The following ABCA9 variants were observed in gnomAD, a reference collection of about 807,000 sequenced individuals.
The protein encoded by ABCA9 is ATP-binding cassette sub-family A member 9.
ABCA9 carries 183 observed loss-of-function variants against 205.3 expected under a neutral mutation model. That is an observed-to-expected ratio of 0.89 (90% CI 0.79 to 1.01). The LOEUF (loss-of-function observed/expected upper bound fraction) is 1.01. ABCA9 is among the 50% of genes least tolerant of loss of function. The probability of loss-of-function intolerance (pLI) is 0.00; values close to 1 mark genes in which losing one functional copy is unlikely to be tolerated. For synonymous variants in ABCA9, 651 were observed against 683.3 expected (o/e 0.95, Z 0.74); for missense variants, 1,805 against 1,912.4 (o/e 0.94, Z 1.05).
intron 3 of ABCA9, among the ~76,000 whole-genome samples, chr17:69,048,995 A>G (rs2144496384): frequency 6.6e-6 from 1 of 152,320 alleles, no homozygotes; most frequent in East Asian, 1.9e-4. Context: ...TGCTGTCACT[A>G]CAGTCCAATG....
At position 69,027,041 on chromosome 17, in the gene ABCA9, T is replaced by C; in HGVS notation, c.1985A>G (p.Glu662Gly). ...SRHRIWNLLK[E>G]GKSDRVILFS... is the part of the protein sequence containing the mutation. ...GAGAATTACTCTGTCTGATTTCCCC[T>C]CTTTCAGGAGATTCCATATTCGGTG... The change falls in exon 15 of 39, where the codon GAG (glutamate) becomes GGG (glycine). Residue 662 changes from glutamate (E) to glycine (G), a missense_variant. Glu to Gly is a moderately conservative substitution (Grantham distance 98, BLOSUM62 -2). Coordinates refer to ENST00000340001, the MANE Select transcript of ABCA9 (RefSeq NM_080283.4). 1 of 1,614,176 alleles carries C rather than the reference T, an allele frequency of 6.2e-7. No individual in the cohort carries two copies. The highest frequency in any genetic ancestry group is 1.1e-5 in the South Asian group (1 of 91,088).
intron 18 of ABCA9, 186 bp from the exon 19 acceptor site, chr17:69,020,772 T>C (rs2070783604): frequency 5.8e-6 from 3 of 519,730 alleles, no homozygotes; most frequent in South Asian, 3.2e-5. Flanking sequence ...AGTATTGATA[T>C]AATAAAAGAA....
intron 4 of ABCA9, 52 bp downstream of exon 4, chr17:69,045,120 T>G (rs2071667321): frequency 2.2e-5 from 33 of 1,511,008 alleles, no homozygotes; most frequent in Non-Finnish European, 2.9e-5. Flanking sequence ...ATGCCCCCTT[T>G]GTGGCTACTG....
chr17:68,996,371 A>T (rs2069625708), intron 25 of ABCA9, among the ~76,000 whole-genome samples: 1 of 152,200 alleles, frequency 6.6e-6, no homozygotes, highest in Admixed American at 6.5e-5. Flanking sequence ...GGCTTAGGCA[A>T]ACCAGCTATT....
Position 69,026,961 on chromosome 17 carries a change from GA to G in ABCA9, c.2050+14del, listed in dbSNP as rs1344807334. The G allele has an allele frequency of 6.2e-7, 1 of 1,613,344 alleles. No homozygotes were observed. Among genetic ancestry groups the G allele is most frequent in the African/African-American group, 1.3e-5 (1 of 75,010 alleles). On this transcript the variant is annotated intron_variant, in intron 15 of 38. Transcript: ENST00000340001. ...TAACCTCTCATGAAGATACATAAGA[GA>G]AACAAAAAATTACCCGCCAGAATGT...
intron 9 of ABCA9, 89 bp from the exon 10 acceptor site, chr17:69,032,365 C>T (rs2071181445): frequency 8.3e-7 from 1 of 1,205,978 alleles, no homozygotes; most frequent in East Asian, 2.4e-5. Flanking sequence ...TGACATTAAA[C>T]CTGAACCCAC....
intron 1 of ABCA9, among the ~76,000 whole-genome samples, chr17:69,060,335 C>G (rs982496237): frequency 6.6e-6 from 1 of 152,080 alleles, no homozygotes. Context: ...ACAAATTTTT[C>G]TAATTTGTTG....
intron 37 of ABCA9, among the ~76,000 whole-genome samples, chr17:68,976,521 C>T (rs2068897305): frequency 6.6e-6 from 1 of 152,218 alleles, no homozygotes; most frequent in Non-Finnish European, 1.5e-5. Context: ...TTCTTGTCTA[C>T]TCCAAAGGCT....
intron 6 of ABCA9, among the ~76,000 whole-genome samples, chr17:69,041,509 G>T (rs1281017959): frequency 6.6e-6 from 1 of 152,032 alleles, no homozygotes; most frequent in Admixed American, 6.6e-5. Flanking sequence ...TTCAAGACCA[G>T]CCTGGCCAAC....
intron 9 of ABCA9, 22 bp downstream of exon 9, chr17:69,033,704 T>C: frequency 1.3e-6 from 2 of 1,562,750 alleles, no homozygotes; most frequent in Non-Finnish European, 1.7e-6. Flanking sequence ...TTGTGTTAAA[T>C]TACAGCCATG....
chr17:69,008,064 G>T lies in ABCA9; in HGVS notation c.3319C>A (p.Gln1107Lys). Residue 1107 changes from glutamine (Q) to lysine (K), a missense_variant and splice_region_variant, in exon 24 of 39, where the codon CAA becomes AAA. Physicochemically the swap from Gln to Lys is moderately conservative, Grantham distance 53. Transcript: ENST00000340001. ...ATTTCAAAATTGCTGCCACTTACTT[G>T]AATTAACAGGTTTTGAATTATAAAT... is the stretch of plus-strand genomic sequence containing the variant. ...IIFIIQNLLI[Q>K]ILCSIGYVSS... 6.2e-7 allele frequency: 1 copy of T among 1,601,600 alleles called. No homozygotes were observed. The highest frequency in any genetic ancestry group is 1.1e-5 in the South Asian group (1 of 89,434).
the ABCA9 span, among the ~76,000 whole-genome samples, chr17:69,074,147 C>G: frequency 1.1e-4 from 17 of 152,074 alleles, no homozygotes; most frequent in African/African-American, 3.9e-4. Flanking sequence ...CCATCTTGCT[C>G]CATTCTCTCC....
intron 26 of ABCA9, among the ~76,000 whole-genome samples, chr17:68,995,461 T>G (rs1482142325): frequency 6.6e-6 from 1 of 152,202 alleles, no homozygotes; most frequent in Non-Finnish European, 1.5e-5. Flanking sequence ...CGCATGGCTT[T>G]TCATACCATT....
chr17:69,052,347 C>A (rs1263324442), intron 1 of ABCA9, among the ~76,000 whole-genome samples: 2 of 152,012 alleles, frequency 1.3e-5, no homozygotes, highest in Non-Finnish European at 2.9e-5. Context: ...TGTACTACAG[C>A]CTGGGTGACA....
At chr17:69,044,752 G>T (rs2071655931) in intron 4 of ABCA9, 152 bp from the exon 5 acceptor site, 1 of 582,986 alleles carries the variant, frequency 1.7e-6, no homozygotes. Context: ...CACCCAAACG[G>T]AATATAGCAG....
At chr17:68,996,127 C>G in intron 25 of ABCA9, 113 bp from the exon 26 acceptor site, 1 of 1,084,626 alleles carries the variant, frequency 9.2e-7, no homozygotes, top group Admixed American at 2.3e-5. Flanking sequence ...ATTTCACTCC[C>G]CAAACCAGTA....
At chr17:68,976,250 G>T in intron 37 of ABCA9, 60 bp from the exon 38 acceptor site, 1 of 1,385,530 alleles carries the variant, frequency 7.2e-7, no homozygotes, top group Non-Finnish European at 1.0e-6. Context: ...GTTTTACCAA[G>T]TAACAAACCA....
intron 3 of ABCA9, among the ~76,000 whole-genome samples, chr17:69,045,813 A>T (rs1206068288): frequency 3.3e-5 from 5 of 152,154 alleles, no homozygotes; most frequent in African/African-American, 7.2e-5. Context: ...TTTCATGAGA[A>T]TAGCATGGGA....
rs774900812 is a variant in ABCA9 at position 69,044,583 on chromosome 17, T to A, written c.487A>T (p.Asn163Tyr). Reference protein sequence around the residue: ...RDHSAHCQAVNEKMKCEGSEF... With the variant: ...RDHSAHCQAVYEKMKCEGSEF... Reference sequence around the variant, plus strand: ...GAACCTTCACACTTCATTTTTTCATTCACTGCTTGACAGTGAGCTTTAGAA... The same window carrying A: ...GAACCTTCACACTTCATTTTTTCATACACTGCTTGACAGTGAGCTTTAGAA... The change falls in exon 5 of 39, where the codon AAT becomes TAT. Residue 163 changes from asparagine to tyrosine, a missense_variant. Physicochemically the swap from Asn to Tyr is moderately radical, Grantham distance 143 (BLOSUM62 -2). Coordinates refer to ENST00000340001, the MANE Select transcript of ABCA9 (RefSeq NM_080283.4). 6.2e-7 allele frequency: 1 copy of A among 1,612,982 alleles called. No individual in the cohort carries two copies. Among genetic ancestry groups the A allele is most frequent in the East Asian group, 2.2e-5 (1 of 44,768 alleles).
Sources: allele counts gnomAD v4.1 joint callset (sites outside exome capture counted in the v4.1 genomes callset), GRCh38; gene constraint gnomAD v4.1.1; transcripts MANE v1.5; gene names NCBI Gene and HGNC (gene_info 2026-07-23, HGNC 2026-07-21).